Variants in HPSE2 observed in about 807,000 individuals in gnomAD.
HPSE2 encodes heparanase 2 (inactive).
A neutral mutation model predicts 60.5 loss-of-function variants in HPSE2; 38 were observed. The ratio of observed to expected loss-of-function variants is 0.63; its 90% CI spans 0.48 to 0.82. The LOEUF (loss-of-function observed/expected upper bound fraction) is 0.82. Among genes scored for constraint, HPSE2 ranks in the 40% least tolerant of loss-of-function variants. The pLI is 0.00. For missense variants in HPSE2, 713 were observed against 740.4 expected (o/e 0.96, Z 0.43); for synonymous variants, 295 against 293.2 (o/e 1.01, Z -0.06).
At chr10:98,939,740 C>A (rs1298822219) in intron 3 of HPSE2, among the ~76,000 whole-genome samples, 6 of 144,132 alleles carry the variant, frequency 4.2e-5, no homozygotes, top group African/African-American at 1.7e-4. Context: ...ACCTAATAGA[C>A]ATCCACAGAA....
intron 9 of HPSE2, among the ~76,000 whole-genome samples, chr10:98,607,777 A>AATATCAAATGTATGTCAACTAC (rs1392230185): frequency 5.3e-5 from 8 of 152,196 alleles, no homozygotes; most frequent in African/African-American, 1.7e-4. Context: ...CAGATATCTA[A>AATATCAAATGTATGTCAACTAC]ATATCAAATG....
intron 9 of HPSE2, among the ~76,000 whole-genome samples, chr10:98,554,302 G>A (rs544477362): frequency 1.3e-5 from 2 of 152,240 alleles, no homozygotes; most frequent in African/African-American, 4.8e-5. Context: ...CCTAAGCCCG[G>A]AATTCTCTTT....
At chr10:98,665,779 A>C (rs1394932616) in intron 6 of HPSE2, among the ~76,000 whole-genome samples, 1 of 152,206 alleles carries the variant, frequency 6.6e-6, no homozygotes, top group Admixed American at 6.5e-5. Flanking sequence ...AGAAGTCCTT[A>C]AGGGAGTGCT....
intron 9 of HPSE2, among the ~76,000 whole-genome samples, chr10:98,613,256 T>C (rs1945810059): frequency 6.6e-6 from 1 of 152,224 alleles, no homozygotes. Flanking sequence ...TTACATTTCA[T>C]AGATACTTTT....
intron 3 of HPSE2, among the ~76,000 whole-genome samples, chr10:99,139,593 T>C (rs539954173): frequency 2.0e-5 from 3 of 152,198 alleles, no homozygotes; most frequent in East Asian, 3.9e-4. Context: ...TTATTACTTA[T>C]AAAGCACGAA....
chr10:99,311,640 T>C, the HPSE2 span, among the ~76,000 whole-genome samples: 1 of 152,176 alleles, frequency 6.6e-6, no homozygotes, highest in African/African-American at 2.4e-5. Flanking sequence ...ATTCCCTGAT[T>C]GAAATTAGTC....
intron 11 of HPSE2, among the ~76,000 whole-genome samples, chr10:98,470,825 G>A (rs774558610): frequency 2.4e-5 from 3 of 125,582 alleles, no homozygotes; most frequent in Non-Finnish European, 4.9e-5. Flanking sequence ...AGCCTTAATG[G>A]ACAGCTACGC....
At chr10:98,975,060 G>C (rs185976438) in intron 3 of HPSE2, among the ~76,000 whole-genome samples, 1 of 152,290 alleles carries the variant, frequency 6.6e-6, no homozygotes, top group Admixed American at 6.5e-5. Context: ...TGAAAATAAA[G>C]TAAGGGTGTT....
At chr10:99,001,132 C>T (rs186772105) in intron 3 of HPSE2, among the ~76,000 whole-genome samples, 2,354 of 152,112 alleles carry the variant, frequency 0.015, 43 homozygotes, top group Non-Finnish European at 0.019. Context: ...GACAACTTTA[C>T]TAATTTGGTA....
intron 9 of HPSE2, among the ~76,000 whole-genome samples, chr10:98,572,356 G>C (rs1404953237): frequency 3.3e-5 from 5 of 152,100 alleles, no homozygotes; most frequent in Non-Finnish European, 7.4e-5. Context: ...ATTCCCTGGG[G>C]ATAGCATCTG....
At chr10:99,237,021 C>T (rs113148674), upstream of HPSE2, among the ~76,000 whole-genome samples, 2,512 of 152,184 alleles carry the variant, frequency 0.017, 104 homozygotes, top group East Asian at 0.15. Flanking sequence ...GTCACATAGC[C>T]CTGGATGGGG....
intron 3 of HPSE2, among the ~76,000 whole-genome samples, chr10:99,141,619 T>G (rs1270939736): frequency 6.6e-6 from 1 of 152,246 alleles, no homozygotes; most frequent in African/African-American, 2.4e-5. Flanking sequence ...TAGAGTTGTT[T>G]TCTTTTATTA....
intron 3 of HPSE2, among the ~76,000 whole-genome samples, chr10:98,800,957 A>T (rs1950893341): frequency 6.6e-6 from 1 of 152,196 alleles, no homozygotes; most frequent in South Asian, 2.1e-4. Context: ...TCTGATGATT[A>T]TTCATGCAAA....
At chr10:98,863,654 T>G (rs376406118) in intron 3 of HPSE2, among the ~76,000 whole-genome samples, 12 of 152,224 alleles carry the variant, frequency 7.9e-5, no homozygotes, top group African/African-American at 2.6e-4. Context: ...TAAGACAGAT[T>G]AGCTACCCTA....
intron 3 of HPSE2, among the ~76,000 whole-genome samples, chr10:98,978,701 G>C (rs1194733167): frequency 1.3e-5 from 2 of 152,094 alleles, no homozygotes; most frequent in Admixed American, 6.6e-5. Context: ...CTACATTCTT[G>C]CTAACTCCTT....
the HPSE2 span, among the ~76,000 whole-genome samples, chr10:99,250,621 T>C: frequency 6.6e-6 from 1 of 152,100 alleles, no homozygotes; most frequent in African/African-American, 2.4e-5. Context: ...CAAGTCTCAA[T>C]AAATTCAAAA....
At chr10:98,942,380 A>G (rs1025032356) in intron 3 of HPSE2, among the ~76,000 whole-genome samples, 3 of 147,664 alleles carry the variant, frequency 2.0e-5, no homozygotes, top group East Asian at 1.9e-4. Context: ...AAACAAATTT[A>G]CAAGAAAAAA....
At chr10:99,269,128 C>T in the HPSE2 span, among the ~76,000 whole-genome samples, 29 of 151,826 alleles carry the variant, frequency 1.9e-4, no homozygotes, top group Admixed American at 8.5e-4. Context: ...CACTGCACTC[C>T]GGCCTGGGGG....
the HPSE2 span, among the ~76,000 whole-genome samples, chr10:99,260,100 A>C: frequency 1.3e-5 from 2 of 152,216 alleles, no homozygotes; most frequent in Non-Finnish European, 2.9e-5. Flanking sequence ...TACTGATGGT[A>C]AGTAAACAAT....
Sources: allele counts gnomAD v4.1 joint callset (sites outside exome capture counted in the v4.1 genomes callset), GRCh38; gene constraint gnomAD v4.1.1; transcripts MANE v1.5; gene names NCBI Gene and HGNC (gene_info 2026-07-23, HGNC 2026-07-21).